Variants in FAM221A observed in about 807,000 individuals in gnomAD.
The protein encoded by FAM221A is protein FAM221A.
Under a neutral mutation model 37.6 loss-of-function variants are expected in FAM221A, and 43 were observed. The observed-to-expected ratio is 1.15, with a 90% CI of 0.90 to 1.48. FAM221A has a LOEUF of 1.48. FAM221A is among the 40% of genes most tolerant of loss of function. The probability of loss-of-function intolerance (pLI) is 0.00; values close to 1 mark genes in which losing one functional copy is unlikely to be tolerated. For missense variants in FAM221A, 361 were observed against 361.5 expected (o/e 1.00, Z 0.01); for synonymous variants, 135 against 132.9 (o/e 1.02, Z -0.11).
In FAM221A at chr7:23,684,362, C is replaced by A. The variant is rs185487593; in HGVS notation, c.66-137C>A. On this transcript the variant is annotated intron_variant, in intron 1 of 6. Coordinates refer to ENST00000344962, the MANE Select transcript of FAM221A (RefSeq NM_199136.5). ...TGAAACAGTTGTTACAGAGACCCGG[C>A]CTGCCACATCTGTAAGAAAAGACAG... 2.8e-4 allele frequency: 192 copies of A among 692,244 alleles called. No homozygotes were observed. The African/African-American group carries it at 3.3e-3, about 12-fold the overall frequency. 42.9% of individuals were successfully genotyped at this position (692,244 alleles called of 1,614,324 possible).
intron 4 of FAM221A, among the ~76,000 whole-genome samples, chr7:23,695,290 AT>A (rs1784985622): frequency 6.6e-6 from 1 of 151,818 alleles, no homozygotes; most frequent in South Asian, 2.1e-4. Flanking sequence ...ATTTTTCAGT[AT>A]TGTCTTTTCA....
In FAM221A at chr7:23,700,805, T is replaced by C. The variant is rs1007696948; in HGVS notation, c.765T>C (p.Val255=). ...TLTDVGTSSQ[V]SSLRRPEEDD... ...TGTTAGTAGGTACAAGTAGTCAAGT[T>C]TCTTCATTAAGGAGACCTGAAGAGG... is the stretch of plus-strand genomic sequence containing the variant. The change falls in exon 6 of 7, where the codon GTT becomes GTC. Residue 255 remains valine (V), a synonymous_variant. Transcript: ENST00000344962. 5.6e-6 allele frequency: 9 copies of C among 1,605,588 alleles called. No individual in the cohort carries two copies. Among genetic ancestry groups the C allele is most frequent in the Admixed American group, 1.7e-5 (1 of 58,054 alleles).
At chr7:23,703,114 T>A (rs1027590483), downstream of FAM221A, 11 of 152,258 alleles carry the variant, frequency 7.2e-5, no homozygotes, top group Non-Finnish European at 2.9e-5. Context: ...GTCCTATCGT[T>A]GAGCTCCAGT....
At chr7:23,685,896 C>G (rs1249551768) in intron 2 of FAM221A, among the ~76,000 whole-genome samples, 1 of 152,210 alleles carries the variant, frequency 6.6e-6, no homozygotes, top group East Asian at 1.9e-4. Context: ...TCCATGTTTT[C>G]AGGCAGCAAC....
At position 23,680,209 on chromosome 7, in the gene FAM221A, C is replaced by T. The variant is rs771848991; in HGVS notation, c.-10C>T. The T allele has an allele frequency of 5.8e-6, 9 of 1,548,900 alleles. No individual in the cohort carries two copies. In the South Asian group the frequency reaches 8.3e-5, roughly 14 times the overall value. On this transcript the variant is annotated 5_prime_UTR_variant, in exon 1 of 7. Coordinates refer to ENST00000344962, the MANE Select transcript of FAM221A (RefSeq NM_199136.5). Reference sequence around the variant, plus strand: ...GGTCCGCAGGGAAGCCTTTGGCTTCCCCACCGGCAATGGAGCGGTTGACGT... The same window carrying T: ...GGTCCGCAGGGAAGCCTTTGGCTTCTCCACCGGCAATGGAGCGGTTGACGT...
downstream of FAM221A, chr7:23,702,682 A>G (rs996492585): frequency 1.6e-4 from 24 of 151,644 alleles, no homozygotes; most frequent in African/African-American, 5.3e-4. Flanking sequence ...TTTTTTTTTC[A>G]ATCTTTCTCA....
chr7:23,681,298 G>T (rs1042738947), intron 1 of FAM221A, among the ~76,000 whole-genome samples: 1 of 152,330 alleles, frequency 6.6e-6, no homozygotes, highest in African/African-American at 2.4e-5. Flanking sequence ...TGCTGGAGCT[G>T]GTGTTGACTG....
chr7:23,686,495 G>C (rs2128038176), intron 2 of FAM221A: 1 of 292,024 alleles, frequency 3.4e-6, no homozygotes, highest in African/African-American at 2.3e-5. Context: ...GAACTCCTGG[G>C]CTTAAGTTAT....
chr7:23,682,361 T>C (rs1784091993), intron 1 of FAM221A, among the ~76,000 whole-genome samples: 1 of 144,238 alleles, frequency 6.9e-6, no homozygotes, highest in Admixed American at 7.0e-5. Context: ...CCACCACATC[T>C]GGCTTTATCA....
intron 4 of FAM221A, 68 bp from the exon 5 acceptor site, chr7:23,698,124 T>C: frequency 1.2e-6 from 1 of 857,758 alleles, no homozygotes; most frequent in Non-Finnish European, 1.9e-6. Context: ...TATTTTACAT[T>C]AGAAGTAATA....
intron 2 of FAM221A, chr7:23,686,158 A>G: frequency 3.4e-6 from 1 of 291,656 alleles, no homozygotes; most frequent in Non-Finnish European, 6.8e-6. Flanking sequence ...GGGGTTTGGT[A>G]AGTTTGTGAT....
chr7:23,691,298 C>G, intron 3 of FAM221A, 92 bp from the exon 4 acceptor site: 2 of 1,184,368 alleles, frequency 1.7e-6, no homozygotes, highest in Non-Finnish European at 2.5e-6. Context: ...GCCAGAGGAT[C>G]TAGGTTCAGC....
chr7:23,682,401 G>A (rs4722248), intron 1 of FAM221A, among the ~76,000 whole-genome samples: 1 of 133,590 alleles, frequency 7.5e-6, no homozygotes, highest in Non-Finnish European at 1.6e-5. Context: ...GTGTGTGTAT[G>A]TATATATATA....
At chr7:23,681,852 G>A (rs1384141317) in intron 1 of FAM221A, among the ~76,000 whole-genome samples, 1 of 152,166 alleles carries the variant, frequency 6.6e-6, no homozygotes, top group Non-Finnish European at 1.5e-5. Context: ...CTGGGAAGGT[G>A]GGGTGGGAAG....
At chr7:23,696,368 G>T (rs1263941674) in intron 4 of FAM221A, among the ~76,000 whole-genome samples, 5 of 152,150 alleles carry the variant, frequency 3.3e-5, no homozygotes, top group Non-Finnish European at 5.9e-5. Flanking sequence ...GACCAGCCTA[G>T]GCAACATGGC....
rs151159653 is a variant in FAM221A, at chr7:23,689,437, G to C, written c.408G>C (p.Ala136=). ...ACTTTGCTGATCAGCACAGTGCTGCGCCTGGCTTTACATGCAATACATGTG... is the reference window on the plus strand; with the variant it reads ...ACTTTGCTGATCAGCACAGTGCTGCCCCTGGCTTTACATGCAATACATGTG... ...CKHFADQHSA[A]PGFTCNTCSK... The change falls in exon 3 of 7, where the codon GCG becomes GCC. Residue 136 remains alanine (A), a synonymous_variant. Coordinates refer to ENST00000344962, the MANE Select transcript of FAM221A (RefSeq NM_199136.5). 1,028 of 1,570,452 alleles carry C rather than the reference G, an allele frequency of 6.5e-4. 1 individual carries two copies. Among genetic ancestry groups the C allele is most frequent in the Non-Finnish European group, 8.6e-4 (985 of 1,146,934 alleles).
At chr7:23,685,385 G>T (rs1010747855) in intron 2 of FAM221A, among the ~76,000 whole-genome samples, 1 of 152,196 alleles carries the variant, frequency 6.6e-6, no homozygotes, top group Non-Finnish European at 1.5e-5. Context: ...TCATCATGGA[G>T]TCTGTCACCT....
At chr7:23,685,820 C>T (rs1481823393) in intron 2 of FAM221A, among the ~76,000 whole-genome samples, 1 of 152,132 alleles carries the variant, frequency 6.6e-6, no homozygotes, top group Non-Finnish European at 1.5e-5. Context: ...ATTTTGCTAC[C>T]GTCTCACAGT....
chr7:23,686,322 G>T, intron 2 of FAM221A: 1 of 428,336 alleles, frequency 2.3e-6, no homozygotes, highest in East Asian at 7.9e-5. Context: ...GGAGTGCAGT[G>T]GCACGATCTT....
Sources: allele counts gnomAD v4.1 joint callset (sites outside exome capture counted in the v4.1 genomes callset), GRCh38; gene constraint gnomAD v4.1.1; transcripts MANE v1.5; gene names NCBI Gene and HGNC (gene_info 2026-07-23, HGNC 2026-07-21).